Variants in ITGBL1 observed in about 807,000 individuals in gnomAD.
ITGBL1 encodes the protein integrin subunit beta like 1.
ITGBL1 carries 51 observed loss-of-function variants against 68.5 expected under a neutral mutation model. The observed-to-expected ratio is 0.74, with a 90% CI of 0.59 to 0.94. The LOEUF is 0.94. ITGBL1 is among the 40% of genes least tolerant of loss of function. The probability of loss-of-function intolerance (pLI) is 0.00; values close to 1 mark genes in which losing one functional copy is unlikely to be tolerated. For missense variants in ITGBL1, 649 were observed against 647.4 expected, an observed-to-expected ratio of 1.00 and a Z score of -0.03; for synonymous variants, 209 against 227.3, an observed-to-expected ratio of 0.92 and a Z score of 0.72.
chr13:101,584,458 C>A (rs1167308755), intron 6 of ITGBL1, among the ~76,000 whole-genome samples: 1 of 152,124 alleles, frequency 6.6e-6, no homozygotes, highest in African/African-American at 2.4e-5. Context: ...TTGGTGCATG[C>A]AGATGGATAG....
intron 7 of ITGBL1, among the ~76,000 whole-genome samples, chr13:101,606,501 A>T (rs150576920): frequency 6.6e-6 from 1 of 151,958 alleles, no homozygotes; most frequent in Non-Finnish European, 1.5e-5. Context: ...CTCAAAAACT[A>T]TAATGGCTTA....
intron 3 of ITGBL1, among the ~76,000 whole-genome samples, chr13:101,568,452 C>T (rs1212722898): frequency 4.6e-5 from 7 of 151,876 alleles, no homozygotes; most frequent in Admixed American, 2.6e-4. Context: ...CGAGTGTTAC[C>T]GTAATTAAAT....
At chr13:101,715,541 A>T in intron 10 of ITGBL1, 22 bp from the exon 11 acceptor site, 1 of 1,517,362 alleles carries the variant, frequency 6.6e-7, no homozygotes, top group Non-Finnish European at 9.2e-7. Flanking sequence ...TAATCATGAT[A>T]CCTATATGTA....
intron 2 of ITGBL1, among the ~76,000 whole-genome samples, chr13:101,539,599 T>C (rs1234877954): frequency 6.6e-6 from 1 of 151,878 alleles, no homozygotes; most frequent in Non-Finnish European, 1.5e-5. Flanking sequence ...ATGGTATTTC[T>C]AGTTTTAGAT....
intron 2 of ITGBL1, among the ~76,000 whole-genome samples, chr13:101,468,297 C>G (rs1461091497): frequency 6.6e-6 from 1 of 152,168 alleles, no homozygotes; most frequent in African/African-American, 2.4e-5. Flanking sequence ...AGAGACTTCT[C>G]TCAGTTGCCT....
At chr13:101,570,058 T>G (rs548206319) in intron 3 of ITGBL1, among the ~76,000 whole-genome samples, 2 of 152,262 alleles carry the variant, frequency 1.3e-5, no homozygotes, top group Admixed American at 1.3e-4. Context: ...AACTGTAACA[T>G]TCTCTCTGAA....
chr13:101,564,238 T>C (rs1307757342), intron 2 of ITGBL1, among the ~76,000 whole-genome samples: 1 of 151,956 alleles, frequency 6.6e-6, no homozygotes, highest in Non-Finnish European at 1.5e-5. Flanking sequence ...TTGATTTCCA[T>C]ACTTACTATA....
At chr13:101,602,641 A>G (rs900191772) in intron 7 of ITGBL1, among the ~76,000 whole-genome samples, 1 of 151,992 alleles carries the variant, frequency 6.6e-6, no homozygotes, top group African/African-American at 2.4e-5. Context: ...ATATATTAAC[A>G]TAATTATGCA....
chr13:101,662,574 C>G (rs1038687212), intron 7 of ITGBL1, among the ~76,000 whole-genome samples: 1 of 152,074 alleles, frequency 6.6e-6, no homozygotes, highest in Admixed American at 6.6e-5. Context: ...TTCCAACAGC[C>G]TCCCTCCCTT....
chr13:101,686,406 T>C (rs1389826700), intron 7 of ITGBL1, among the ~76,000 whole-genome samples: 6 of 152,148 alleles, frequency 3.9e-5, no homozygotes. Flanking sequence ...TCACTGTTAG[T>C]GGGAGAAGGT....
rs144541746 is a variant in ITGBL1 at position 101,636,396 on chromosome 13, C to A, written c.1015+38097C>A. ...TAATCATAATCATTTTCAATCTGAA[C>A]AAATCAGAAACTTATGACATGTTTA... On this transcript the variant is annotated intron_variant, in intron 7 of 10. Coordinates refer to ENST00000376180, the MANE Select transcript of ITGBL1 (RefSeq NM_004791.3). 2.8e-3 allele frequency among the ~76,000 whole-genome samples: 426 copies of A among 152,214 alleles called. 4 individuals carry two copies. The highest frequency in any genetic ancestry group is 8.7e-3 in the African/African-American group (363 of 41,560).
rs187287269 is a variant in ITGBL1, at chr13:101,548,874, T to C, written c.317-18825T>C. On this transcript the variant is annotated intron_variant, in intron 2 of 10. Transcript: ENST00000376180. ...CTTTATGTTTAATGTGATTAACTACTCTCTCCAAGAAATTCCAAGATTTAT... is the reference window on the plus strand; with the variant it reads ...CTTTATGTTTAATGTGATTAACTACCCTCTCCAAGAAATTCCAAGATTTAT... Among the ~76,000 whole-genome samples, 301 of 151,888 alleles carry C rather than the reference T, an allele frequency of 2.0e-3. 1 individual carries two copies. The highest frequency in any genetic ancestry group is 3.9e-3 in the Non-Finnish European group (263 of 67,708).
At chr13:101,704,484 T>TAAAAAAAAAA (rs57687698) in intron 8 of ITGBL1, among the ~76,000 whole-genome samples, 3 of 105,342 alleles carry the variant, frequency 2.8e-5, no homozygotes, top group Admixed American at 1.1e-4. Context: ...ATTCATTCAG[T>TAAAAAAAAAA]AAAAAAAAAA....
chr13:101,589,341 C>T (rs1362988125), intron 6 of ITGBL1, among the ~76,000 whole-genome samples: 3 of 152,178 alleles, frequency 2.0e-5, no homozygotes, highest in Non-Finnish European at 1.5e-5. Context: ...AAAACCAGTT[C>T]TACTCTCCCC....
chr13:101,531,897 T>G (rs1285525937), intron 2 of ITGBL1, among the ~76,000 whole-genome samples: 1 of 151,486 alleles, frequency 6.6e-6, no homozygotes, highest in Non-Finnish European at 1.5e-5. Context: ...CAGGCCTGGC[T>G]AATTTTTTTT....
intron 2 of ITGBL1, among the ~76,000 whole-genome samples, chr13:101,520,327 CT>C (rs1025655297): frequency 6.6e-6 from 1 of 152,116 alleles, no homozygotes; most frequent in East Asian, 1.9e-4. Flanking sequence ...TTTTGCATCT[CT>C]TTTTTTAACC....
rs2034720776 is a variant in ITGBL1 at position 101,716,336 on chromosome 13, A to G, written c.*682A>G. On this transcript the variant is annotated 3_prime_UTR_variant, in exon 11 of 11. Coordinates refer to ENST00000376180, the MANE Select transcript of ITGBL1 (RefSeq NM_004791.3). ...TCTGACATTAAATCATTTAGCCACT[A>G]AGTTATTTGTCTACTCTCACTTTAA... 1 of 152,154 alleles carries G rather than the reference A, an allele frequency of 6.6e-6. No individual in the cohort carries two copies. Among genetic ancestry groups the G allele is most frequent in the Non-Finnish European group, 1.5e-5 (1 of 68,024 alleles). The allele number at this position is 152,154 out of a possible 1,614,324, so 9.4% of individuals were successfully genotyped here.
intron 7 of ITGBL1, among the ~76,000 whole-genome samples, chr13:101,620,420 C>A (rs1357740029): frequency 3.3e-5 from 5 of 152,100 alleles, no homozygotes; most frequent in Admixed American, 6.5e-5. Flanking sequence ...GTAAGTGGCT[C>A]TGTATATTTC....
chr13:101,606,120 A>T (rs1209454400), intron 7 of ITGBL1, among the ~76,000 whole-genome samples: 2 of 145,964 alleles, frequency 1.4e-5, no homozygotes, highest in African/African-American at 5.0e-5. Context: ...CTCTATATAT[A>T]TATATAGCCT....
Sources: gnomAD v4.1 joint callset for allele counts (sites outside exome capture counted in the v4.1 genomes callset) on GRCh38, gnomAD v4.1.1 for gene constraint, MANE v1.5 for transcripts, NCBI Gene and HGNC (gene_info 2026-07-23, HGNC 2026-07-21) for gene names.